Variants in TASP1 observed in about 807,000 individuals in gnomAD.
TASP1 encodes the protein threonine aspartase 1.
A neutral mutation model predicts 56.6 loss-of-function variants in TASP1; 16 were observed. The observed-to-expected ratio is 0.28, with a 90% CI of 0.19 to 0.43. TASP1 has a LOEUF of 0.43. TASP1 is among the 20% of genes least tolerant of loss of function. TASP1 has a pLI of 1.00. For synonymous variants in TASP1, 179 were observed against 184.2 expected, an observed-to-expected ratio of 0.97 and a Z score of 0.23; for missense variants, 393 against 511.6, an observed-to-expected ratio of 0.77 and a Z score of 2.24.
intron 8 of TASP1, among the ~76,000 whole-genome samples, chr20:13,553,147 T>A (rs987639001): frequency 6.6e-6 from 1 of 152,164 alleles, no homozygotes; most frequent in Non-Finnish European, 1.5e-5. Flanking sequence ...TCTTGCTATG[T>A]TATCCAGGCT....
chr20:13,220,658 C>T, the TASP1 span, among the ~76,000 whole-genome samples: 64 of 152,366 alleles, frequency 4.2e-4, 1 homozygote, highest in East Asian at 0.012. Context: ...CCTTCCCAGG[C>T]TCTACGGGGC....
chr20:13,443,432 T>A (rs2043292589), intron 11 of TASP1, among the ~76,000 whole-genome samples: 1 of 152,134 alleles, frequency 6.6e-6, no homozygotes, highest in African/African-American at 2.4e-5. Context: ...CATTAACATA[T>A]GTGCAAGCAG....
the TASP1 span, among the ~76,000 whole-genome samples, chr20:13,107,479 G>T: frequency 6.6e-6 from 1 of 152,144 alleles, no homozygotes; most frequent in South Asian, 2.1e-4. Context: ...GCTGCCCACG[G>T]TCAAGTAGAA....
At chr20:13,213,817 G>A in the TASP1 span, among the ~76,000 whole-genome samples, 148 of 152,224 alleles carry the variant, frequency 9.7e-4, no homozygotes, top group Middle Eastern at 3.4e-3. Context: ...CATTATCCAG[G>A]CAGTATCCCT....
the TASP1 span, among the ~76,000 whole-genome samples, chr20:13,316,392 A>AAC: frequency 6.6e-6 from 1 of 152,004 alleles, no homozygotes; most frequent in Non-Finnish European, 1.5e-5. Context: ...AATTCTCTAC[A>AAC]ATATCTTTCA....
the TASP1 span, among the ~76,000 whole-genome samples, chr20:13,256,652 T>C: frequency 6.6e-6 from 1 of 152,176 alleles, no homozygotes; most frequent in Non-Finnish European, 1.5e-5. Context: ...GTGGTGTTGG[T>C]CCTTTCTCTG....
intron 10 of TASP1, among the ~76,000 whole-genome samples, chr20:13,495,179 G>T (rs1389963472): frequency 1.3e-5 from 2 of 151,968 alleles, no homozygotes; most frequent in Admixed American, 1.3e-4. Context: ...TTAAAATTTA[G>T]AAGTAATTTA....
At chr20:13,591,954 T>C (rs1159000061) in intron 4 of TASP1, among the ~76,000 whole-genome samples, 1 of 151,972 alleles carries the variant, frequency 6.6e-6, no homozygotes, top group Non-Finnish European at 1.5e-5. Context: ...ATAAAAGAAG[T>C]ATAGCTAATA....
the TASP1 span, among the ~76,000 whole-genome samples, chr20:13,152,982 G>A: frequency 1.2e-3 from 189 of 152,286 alleles, 1 homozygote; most frequent in East Asian, 0.024. Flanking sequence ...TGACCAGTTC[G>A]TCTGAACATC....
At chr20:13,212,839 T>C in the TASP1 span, among the ~76,000 whole-genome samples, 1 of 152,204 alleles carries the variant, frequency 6.6e-6, no homozygotes, top group Non-Finnish European at 1.5e-5. Flanking sequence ...TTAACTTTCA[T>C]CATCCTGTTT....
chr20:13,115,881 G>A, the TASP1 span, among the ~76,000 whole-genome samples: 1 of 152,148 alleles, frequency 6.6e-6, no homozygotes, highest in Non-Finnish European at 1.5e-5. Context: ...GGAAACTGAA[G>A]CAGAGAACAT....
the TASP1 span, among the ~76,000 whole-genome samples, chr20:13,199,116 T>C: frequency 6.6e-6 from 1 of 151,824 alleles, no homozygotes; most frequent in Non-Finnish European, 1.5e-5. Flanking sequence ...TTGCCCAGGC[T>C]GGTCTAGAAT....
chr20:13,127,389 G>A, the TASP1 span, among the ~76,000 whole-genome samples: 1 of 152,172 alleles, frequency 6.6e-6, no homozygotes, highest in Non-Finnish European at 1.5e-5. Flanking sequence ...TTGCTGCCAG[G>A]CAAACTGGTG....
At chr20:13,449,928 G>C (rs1432720536) in intron 11 of TASP1, among the ~76,000 whole-genome samples, 11 of 152,042 alleles carry the variant, frequency 7.2e-5, no homozygotes, top group Admixed American at 7.2e-4. Flanking sequence ...ATGATACACA[G>C]GGTGTTGCAT....
the TASP1 span, among the ~76,000 whole-genome samples, chr20:13,124,437 TG>T: frequency 6.9e-6 from 1 of 145,786 alleles, no homozygotes. Context: ...GAATTTGAAA[TG>T]AAAAGAGAGA....
the TASP1 span, among the ~76,000 whole-genome samples, chr20:13,120,288 T>A: frequency 5.8e-4 from 89 of 152,272 alleles, no homozygotes; most frequent in African/African-American, 2.0e-3. Flanking sequence ...CCCGTATATC[T>A]CAAATTCGGG....
At chr20:13,210,975 G>A in the TASP1 span, among the ~76,000 whole-genome samples, 1 of 152,014 alleles carries the variant, frequency 6.6e-6, no homozygotes, top group Admixed American at 6.6e-5. Context: ...CTCCTATGTG[G>A]CTCTGCCTGG....
chr20:13,343,000 C>A, the TASP1 span, among the ~76,000 whole-genome samples: 1 of 152,204 alleles, frequency 6.6e-6, no homozygotes. Context: ...ACTTTGCTGA[C>A]TGAGCCTCTG....
intron 12 of TASP1, among the ~76,000 whole-genome samples, chr20:13,434,324 T>A (rs983736198): frequency 1.3e-5 from 2 of 152,140 alleles, no homozygotes; most frequent in Admixed American, 1.3e-4. Context: ...TTTATGCAGA[T>A]TTTTTTAATG....
Sources: gnomAD v4.1 joint callset for allele counts (sites outside exome capture counted in the v4.1 genomes callset) on GRCh38, gnomAD v4.1.1 for gene constraint, MANE v1.5 for transcripts, NCBI Gene and HGNC (gene_info 2026-07-23, HGNC 2026-07-21) for gene names.